Variants in AGTPBP1 observed in about 807,000 individuals in gnomAD.
The protein encoded by AGTPBP1 is ATP/GTP binding carboxypeptidase 1.
Under a neutral mutation model 143.9 loss-of-function variants are expected in AGTPBP1, and 70 were observed. The ratio of observed to expected loss-of-function variants is 0.49; its 90% CI spans 0.40 to 0.59. AGTPBP1 has a LOEUF of 0.59. AGTPBP1 is among the 20% of genes least tolerant of loss of function. The probability of loss-of-function intolerance (pLI) is 0.00; values close to 1 mark genes in which losing one functional copy is unlikely to be tolerated. For synonymous variants in AGTPBP1, 463 were observed against 500.2 expected, an observed-to-expected ratio of 0.93 and a Z score of 0.99; for missense variants, 1,229 against 1,464.5, an observed-to-expected ratio of 0.84 and a Z score of 2.62.
chr9:85,555,856 T>C (rs1036045044), intron 25 of AGTPBP1, among the ~76,000 whole-genome samples: 4 of 151,788 alleles, frequency 2.6e-5, no homozygotes, highest in Non-Finnish European at 5.9e-5. Flanking sequence ...AACACAGAAA[T>C]AGAGGAAGAA....
intron 17 of AGTPBP1, among the ~76,000 whole-genome samples, chr9:85,603,110 T>A (rs942445056): frequency 2.6e-5 from 4 of 152,102 alleles, no homozygotes; most frequent in African/African-American, 7.2e-5. Flanking sequence ...TCTGGACAAG[T>A]CCTGGTGCTA....
At chr9:85,713,897 T>C (rs1488511952) in intron 1 of AGTPBP1, among the ~76,000 whole-genome samples, 1 of 152,204 alleles carries the variant, frequency 6.6e-6, no homozygotes, top group Non-Finnish European at 1.5e-5. Context: ...CTTTTTTCTA[T>C]TTCTAAATTA....
chr9:85,779,247 C>A, the AGTPBP1 span, among the ~76,000 whole-genome samples: 43 of 131,578 alleles, frequency 3.3e-4, no homozygotes, highest in African/African-American at 6.5e-4. Context: ...ATATAGATAT[C>A]TATATAAATA....
At chr9:85,681,411 TAAAG>T in intron 3 of AGTPBP1, 76 bp from the exon 4 acceptor site, 1 of 1,250,322 alleles carries the variant, frequency 8.0e-7, no homozygotes, top group East Asian at 2.4e-5. Flanking sequence ...ATATAGCTAA[TAAAG>T]ATTCAACAAG....
chr9:85,615,433 A>G (rs1034351963), intron 17 of AGTPBP1, among the ~76,000 whole-genome samples: 5 of 152,126 alleles, frequency 3.3e-5, no homozygotes, highest in Admixed American at 2.0e-4. Flanking sequence ...TCAATCTGTT[A>G]TCATTCATTT....
At chr9:85,625,480 T>C (rs796286711) in intron 14 of AGTPBP1, among the ~76,000 whole-genome samples, 2 of 152,342 alleles carry the variant, frequency 1.3e-5, no homozygotes, top group African/African-American at 4.8e-5. Flanking sequence ...TTTCCCTTAT[T>C]TTTCATTTTA....
At chr9:85,562,642 T>C (rs1826815162) in intron 25 of AGTPBP1, among the ~76,000 whole-genome samples, 1 of 152,176 alleles carries the variant, frequency 6.6e-6, no homozygotes, top group Admixed American at 6.6e-5. Context: ...GTGTAGAAAC[T>C]AAATGGAACG....
the AGTPBP1 span, among the ~76,000 whole-genome samples, chr9:85,763,766 T>C: frequency 6.6e-6 from 1 of 151,990 alleles, no homozygotes; most frequent in African/African-American, 2.4e-5. Flanking sequence ...ACTGAAAAGG[T>C]TGAAGGTGGC....
chr9:85,701,449 T>C (rs370720387), intron 2 of AGTPBP1, among the ~76,000 whole-genome samples: 1 of 151,770 alleles, frequency 6.6e-6, no homozygotes, highest in Non-Finnish European at 1.5e-5. Context: ...AGGCTGGTCT[T>C]AAACTCCTGA....
chr9:85,737,362 C>T (rs62570627), intron 1 of AGTPBP1, among the ~76,000 whole-genome samples: 2,257 of 152,232 alleles, frequency 0.015, 25 homozygotes, highest in Middle Eastern at 0.037. Flanking sequence ...ACTATGGTTA[C>T]TCAAATTGGA....
intron 20 of AGTPBP1, 56 bp downstream of exon 20, chr9:85,589,472 A>G: frequency 6.5e-7 from 1 of 1,542,996 alleles, no homozygotes; most frequent in Non-Finnish European, 8.7e-7. Context: ...ATACGGTTAA[A>G]GCAAATCAAA....
the AGTPBP1 span, among the ~76,000 whole-genome samples, chr9:85,776,895 G>A: frequency 6.6e-6 from 1 of 152,144 alleles, no homozygotes; most frequent in Admixed American, 6.5e-5. Context: ...TTGGTCCCTG[G>A]ACTCGTGAAT....
At chr9:85,673,354 AAC>A (rs996571553) in intron 6 of AGTPBP1, among the ~76,000 whole-genome samples, 1 of 152,118 alleles carries the variant, frequency 6.6e-6, no homozygotes, top group Non-Finnish European at 1.5e-5. Flanking sequence ...CCAGAACACC[AAC>A]ACAGAGTTAA....
At chr9:85,732,273 G>A (rs1463861933) in intron 1 of AGTPBP1, among the ~76,000 whole-genome samples, 2 of 145,484 alleles carry the variant, frequency 1.4e-5, no homozygotes, top group Admixed American at 7.0e-5. Flanking sequence ...GGAGTGCAGC[G>A]GCGTGATTTC....
intron 25 of AGTPBP1, among the ~76,000 whole-genome samples, chr9:85,555,585 G>A (rs1259976012): frequency 6.6e-6 from 1 of 152,146 alleles, no homozygotes; most frequent in Non-Finnish European, 1.5e-5. Context: ...GCGACAGAAT[G>A]AGACTCCAAC....
chr9:85,740,439 A>G (rs2134855518), intron 1 of AGTPBP1, among the ~76,000 whole-genome samples: 1 of 152,346 alleles, frequency 6.6e-6, no homozygotes, highest in African/African-American at 2.4e-5. Context: ...ACGACTTATT[A>G]TTTCGCAGTA....
rs963403522 is a variant in AGTPBP1, at chr9:85,642,701, G to C, written c.1302+126C>G. 5.8e-5 allele frequency: 45 copies of C among 775,116 alleles called. 1 individual carries two copies. In the Admixed American group the frequency reaches 1.0e-3, roughly 17 times the overall value. The allele number at this position is 775,116 out of a possible 1,614,324, so 48.0% of individuals were successfully genotyped here. On this transcript the variant is annotated intron_variant, in intron 13 of 25. Transcript: ENST00000357081. ...TGACATAATTATTCAATGCCACTCA[G>C]AAAAGCAATGCTAGTTTCACTTTTT...
chr9:85,572,025 T>G (rs1476579946), intron 25 of AGTPBP1, among the ~76,000 whole-genome samples: 2,174 of 85,090 alleles, frequency 0.026, 160 homozygotes, highest in African/African-American at 0.12. Context: ...TTTTTTTTTT[T>G]TTTTTTTTTT....
intron 1 of AGTPBP1, chr9:85,741,425 G>C: frequency 1.0e-6 from 1 of 985,214 alleles, no homozygotes; most frequent in Non-Finnish European, 1.2e-6. Flanking sequence ...GGCGCCGCGA[G>C]CTCGGGCCCG....
Sources: allele counts gnomAD v4.1 joint callset (sites outside exome capture counted in the v4.1 genomes callset), GRCh38; gene constraint gnomAD v4.1.1; transcripts MANE v1.5; gene names NCBI Gene and HGNC (gene_info 2026-07-23, HGNC 2026-07-21).